The following CDH12 variants were observed in gnomAD, a reference collection of about 807,000 sequenced individuals.
CDH12 encodes cadherin-12.
In CDH12, 41 loss-of-function variants were observed where a neutral mutation model predicts 74.1. The ratio of observed to expected loss-of-function variants is 0.55; its 90% CI spans 0.43 to 0.72. The LOEUF (loss-of-function observed/expected upper bound fraction) is 0.72, where lower values mean the gene tolerates loss of function less well. CDH12 is among the 30% of genes least tolerant of loss of function. The pLI, the probability that CDH12 is intolerant of heterozygous loss-of-function variation, is 0.00. For synonymous variants in CDH12, 399 were observed against 355.0 expected (o/e 1.12, Z -1.39); for missense variants, 945 against 977.2 (o/e 0.97, Z 0.44).
chr5:22,232,670 T>G (rs961159913), intron 3 of CDH12, among the ~76,000 whole-genome samples: 1 of 151,512 alleles, frequency 6.6e-6, no homozygotes, highest in Non-Finnish European at 1.5e-5. Flanking sequence ...AAAAAATACT[T>G]CATCATCATA....
chr5:21,941,230 G>T (rs1755316098), intron 6 of CDH12, among the ~76,000 whole-genome samples: 2 of 152,022 alleles, frequency 1.3e-5, no homozygotes, highest in Non-Finnish European at 2.9e-5. Context: ...CAAGCTTTAG[G>T]ATAGCAACAT....
intron 1 of CDH12, among the ~76,000 whole-genome samples, chr5:22,720,229 C>T (rs1743807512): frequency 6.6e-6 from 1 of 152,078 alleles, no homozygotes; most frequent in Non-Finnish European, 1.5e-5. Context: ...AGTGAGTTCT[C>T]ACAATTTTGT....
chr5:22,351,502 A>G (rs1224173984), intron 3 of CDH12, among the ~76,000 whole-genome samples: 4 of 152,196 alleles, frequency 2.6e-5, no homozygotes, highest in Admixed American at 2.6e-4. Flanking sequence ...GGAGTTGAGT[A>G]AAAAACTATA....
At chr5:21,969,806 T>G (rs1251166345) in intron 6 of CDH12, among the ~76,000 whole-genome samples, 1 of 152,232 alleles carries the variant, frequency 6.6e-6, no homozygotes, top group African/African-American at 2.4e-5. Flanking sequence ...CCATCATCAG[T>G]AATGAGACAA....
At chr5:21,876,704 A>T (rs1751956169) in intron 6 of CDH12, among the ~76,000 whole-genome samples, 1 of 131,976 alleles carries the variant, frequency 7.6e-6, no homozygotes, top group Non-Finnish European at 1.7e-5. Context: ...CTTCAGCCAC[A>T]TTTGTCTTTC....
At position 21,947,773 on chromosome 5, in the gene CDH12, C is replaced by T. The variant is rs1442427854; in HGVS notation, c.526+27318G>A. On this transcript the variant is annotated intron_variant, in intron 6 of 14. Transcript: ENST00000382254. The stretch of plus-strand genomic sequence containing the variant: ...TTTTTCTTGGGCGTATCACAGACTT[C>T]CATGGCAGCCCTTCTCATCACAGAC... Among the ~76,000 whole-genome samples, 3 of 152,310 alleles carry T rather than the reference C, an allele frequency of 2.0e-5. No homozygotes were observed. In the East Asian group the frequency reaches 5.8e-4, roughly 29 times the overall value.
chr5:22,300,334 A>G (rs1737823161), intron 3 of CDH12, among the ~76,000 whole-genome samples: 1 of 152,176 alleles, frequency 6.6e-6, no homozygotes, highest in African/African-American at 2.4e-5. Context: ...TCTGTGTAAA[A>G]CTTCTAACTG....
intron 3 of CDH12, among the ~76,000 whole-genome samples, chr5:22,234,933 C>T (rs997491878): frequency 6.6e-6 from 1 of 151,748 alleles, no homozygotes; most frequent in Non-Finnish European, 1.5e-5. Context: ...TTTGTACAAA[C>T]CAACAAAGTC....
At chr5:22,058,397 A>C (rs1740902486) in intron 5 of CDH12, among the ~76,000 whole-genome samples, 1 of 152,132 alleles carries the variant, frequency 6.6e-6, no homozygotes, top group Admixed American at 6.6e-5. Context: ...TTCTTCAGGC[A>C]TGGCTTCATA....
intron 2 of CDH12, among the ~76,000 whole-genome samples, chr5:22,496,592 T>C (rs1747111239): frequency 6.6e-6 from 1 of 152,206 alleles, no homozygotes; most frequent in Admixed American, 6.5e-5. Flanking sequence ...AATTCTGTCT[T>C]TATTTTGTTT....
At chr5:22,069,851 A>C (rs987362702) in intron 5 of CDH12, among the ~76,000 whole-genome samples, 1 of 152,154 alleles carries the variant, frequency 6.6e-6, no homozygotes, top group Non-Finnish European at 1.5e-5. Context: ...AAACTACAAC[A>C]AACCAATCTA....
intron 1 of CDH12, among the ~76,000 whole-genome samples, chr5:22,590,191 A>G (rs1236783763): frequency 6.6e-6 from 1 of 152,226 alleles, no homozygotes; most frequent in Non-Finnish European, 1.5e-5. Context: ...CAGTTACATT[A>G]GTCTTCAGGT....
At chr5:22,675,869 T>TTATATATATATATATATATATATATA (rs1561569716) in intron 1 of CDH12, among the ~76,000 whole-genome samples, 1 of 27,668 alleles carries the variant, frequency 3.6e-5, no homozygotes, top group Non-Finnish European at 6.4e-5. Context: ...CTTTTGTATC[T>TTATATATATATATATATATATATATA]CATATATATA....
intron 4 of CDH12, chr5:22,143,861 G>A (rs1746977785): frequency 6.6e-6 from 1 of 152,042 alleles, no homozygotes; most frequent in Non-Finnish European, 1.5e-5. Flanking sequence ...ATATACTTCT[G>A]TTTGTAAAAA....
At chr5:22,387,995 T>C (rs1561365462) in intron 3 of CDH12, among the ~76,000 whole-genome samples, 1 of 152,130 alleles carries the variant, frequency 6.6e-6, no homozygotes. Flanking sequence ...GTGTTTCAAA[T>C]AGGGCTGTTG....
Position 22,243,101 on chromosome 5 carries a change from G to A in CDH12, c.-332-30458C>T, listed in dbSNP as rs570063666. Among the ~76,000 whole-genome samples the A allele has an allele frequency of 2.0e-4, 30 of 152,154 alleles. 1 individual carries two copies. The South Asian group carries it at 4.8e-3, about 24-fold the overall frequency. The stretch of plus-strand genomic sequence containing the variant: ...AATCCTCCCCTTTCAAAGATTAATT[G>A]TTGAACTTTCTAAACAGTATACTCA... On this transcript the variant is annotated intron_variant, in intron 3 of 14. Coordinates refer to ENST00000382254, the MANE Select transcript of CDH12 (RefSeq NM_004061.5).
chr5:21,898,573 G>A lies in CDH12; in HGVS notation c.527-43783C>T, dbSNP rs180711330. Among the ~76,000 whole-genome samples the A allele has an allele frequency of 5.1e-3, 776 of 151,934 alleles. 12 individuals carry two copies. Among genetic ancestry groups the A allele is most frequent in the African/African-American group, 0.018 (748 of 41,434 alleles). ...AAAAATTAGCTGGGCGTGGTGGCGGGCGCCTATAGTCCCAGCTACTCGGGA... is the reference window on the plus strand; with the variant it reads ...AAAAATTAGCTGGGCGTGGTGGCGGACGCCTATAGTCCCAGCTACTCGGGA... On this transcript the variant is annotated intron_variant, in intron 6 of 14. Transcript: ENST00000382254.
intron 1 of CDH12, among the ~76,000 whole-genome samples, chr5:22,578,100 C>T (rs1351108970): frequency 6.6e-6 from 1 of 152,152 alleles, no homozygotes; most frequent in East Asian, 1.9e-4. Flanking sequence ...ATCACTCTTA[C>T]TATTCATTAT....
chr5:21,755,399 G>C (rs980073427), intron 14 of CDH12, among the ~76,000 whole-genome samples, 192 bp downstream of exon 14: 1 of 151,992 alleles, frequency 6.6e-6, no homozygotes, highest in Non-Finnish European at 1.5e-5. Context: ...TATCCAAGAA[G>C]TATGAAATAG....
Sources: gnomAD v4.1 joint callset for allele counts (sites outside exome capture counted in the v4.1 genomes callset) on GRCh38, gnomAD v4.1.1 for gene constraint, MANE v1.5 for transcripts, NCBI Gene and HGNC (gene_info 2026-07-23, HGNC 2026-07-21) for gene names.